The following KCNH8 variants were observed in gnomAD, a reference collection of about 807,000 sequenced individuals.
KCNH8 encodes voltage-gated delayed rectifier potassium channel KCNH8.
A neutral mutation model predicts 103.6 loss-of-function variants in KCNH8; 70 were observed. The observed-to-expected ratio is 0.68, with a 90% CI of 0.56 to 0.82. The LOEUF is 0.82. Among genes scored for constraint, KCNH8 ranks in the 40% least tolerant of loss-of-function variants. KCNH8 has a pLI of 0.00. For synonymous variants in KCNH8, 498 were observed against 489.4 expected (o/e 1.02, Z -0.23); for missense variants, 1,217 against 1,329.9 (o/e 0.92, Z 1.32).
chr3:19,235,157 C>T (rs761450649), intron 1 of KCNH8, among the ~76,000 whole-genome samples: 1 of 152,046 alleles, frequency 6.6e-6, no homozygotes, highest in African/African-American at 2.4e-5. Flanking sequence ...TTTTATTATA[C>T]CTTGCTTTGC....
chr3:19,533,851 A>C lies in KCNH8; in HGVS notation c.3076A>C (p.Ile1026Leu). The change falls in exon 16 of 16, where the codon ATT (isoleucine) becomes CTT (leucine). Residue 1026 changes from isoleucine (I) to leucine (L), a missense_variant. By Grantham distance (5) the Ile-to-Leu change is conservative (BLOSUM62 2). Coordinates refer to ENST00000328405, the MANE Select transcript of KCNH8 (RefSeq NM_144633.3). ...SDSTLTPLQS[I>L]SATLSSSVCS... ...TTCTACGTTGACGCCTCTGCAGTCC[A>C]TTTCAGCAACTCTCTCATCTTCTGT... 1.2e-6 allele frequency: 2 copies of C among 1,614,106 alleles called. No individual in the cohort carries two copies. Among genetic ancestry groups the C allele is most frequent in the Non-Finnish European group, 1.7e-6 (2 of 1,180,006 alleles).
intron 3 of KCNH8, among the ~76,000 whole-genome samples, chr3:19,286,794 A>G (rs921565749): frequency 6.6e-6 from 1 of 152,032 alleles, no homozygotes; most frequent in African/African-American, 2.4e-5. Context: ...TTGAAATGAA[A>G]CCATCCACTA....
intron 1 of KCNH8, among the ~76,000 whole-genome samples, chr3:19,169,321 C>CAAAA (rs1310554723): frequency 2.0e-5 from 3 of 147,594 alleles, no homozygotes; most frequent in African/African-American, 7.6e-5. Context: ...TGCAGTGGCG[C>CAAAA]GATCTTGGCT....
At chr3:19,385,535 A>G (rs933846032) in intron 5 of KCNH8, among the ~76,000 whole-genome samples, 2 of 152,116 alleles carry the variant, frequency 1.3e-5, no homozygotes, top group Non-Finnish European at 2.9e-5. Flanking sequence ...GCTGTTTCTC[A>G]CTGGGCCTAC....
chr3:19,324,011 C>T (rs1042933470), intron 3 of KCNH8, among the ~76,000 whole-genome samples: 1 of 152,140 alleles, frequency 6.6e-6, no homozygotes, highest in Non-Finnish European at 1.5e-5. Flanking sequence ...TTTTCGAGAG[C>T]ACATCAGCTG....
chr3:19,342,082 A>G (rs2065667830), intron 3 of KCNH8, among the ~76,000 whole-genome samples: 1 of 152,146 alleles, frequency 6.6e-6, no homozygotes, highest in Non-Finnish European at 1.5e-5. Context: ...GCTATTAGCC[A>G]TTTAAAAAAT....
chr3:19,273,106 A>G (rs1429783404), intron 2 of KCNH8, among the ~76,000 whole-genome samples: 2 of 152,170 alleles, frequency 1.3e-5, no homozygotes, highest in Non-Finnish European at 2.9e-5. Flanking sequence ...CCTCATAACA[A>G]TGTTGAGTTC....
intron 11 of KCNH8, among the ~76,000 whole-genome samples, chr3:19,495,394 A>G (rs1245053524): frequency 6.6e-6 from 1 of 152,212 alleles, no homozygotes; most frequent in Non-Finnish European, 1.5e-5. Flanking sequence ...GAAAGGGTCC[A>G]GTATCAATCT....
At chr3:19,451,498 A>G in intron 10 of KCNH8, 94 bp downstream of exon 10, 2 of 1,130,760 alleles carry the variant, frequency 1.8e-6, no homozygotes, top group Non-Finnish European at 2.6e-6. Context: ...GAGAGTAGGA[A>G]AAGAACAGAT....
intron 5 of KCNH8, among the ~76,000 whole-genome samples, chr3:19,378,763 A>G (rs1253462547): frequency 2.0e-5 from 3 of 152,222 alleles, no homozygotes; most frequent in Admixed American, 2.0e-4. Context: ...TATGGTGACA[A>G]GTTCTTTGGG....
chr3:19,243,122 C>A (rs975817358), intron 1 of KCNH8, among the ~76,000 whole-genome samples: 2 of 152,148 alleles, frequency 1.3e-5, no homozygotes, highest in South Asian at 2.1e-4. Flanking sequence ...GAGCGTCTGG[C>A]GTATCACAGC....
intron 7 of KCNH8, among the ~76,000 whole-genome samples, chr3:19,395,990 C>T (rs2066510926): frequency 6.6e-6 from 1 of 151,904 alleles, no homozygotes; most frequent in South Asian, 2.1e-4. Context: ...TTATGTCAAC[C>T]ACAGTAAATT....
At chr3:19,501,451 A>C (rs1445891065) in intron 11 of KCNH8, among the ~76,000 whole-genome samples, 2 of 152,178 alleles carry the variant, frequency 1.3e-5, no homozygotes, top group African/African-American at 2.4e-5. Context: ...CCTGATACCA[A>C]AGCCGGGCAG....
intron 5 of KCNH8, among the ~76,000 whole-genome samples, chr3:19,372,899 A>G (rs1029058879): frequency 1.3e-5 from 2 of 152,032 alleles, no homozygotes; most frequent in African/African-American, 2.4e-5. Context: ...GCTCATTTAT[A>G]TGCTGGATTA....
intron 1 of KCNH8, among the ~76,000 whole-genome samples, chr3:19,235,113 C>T (rs931324532): frequency 6.6e-6 from 1 of 152,138 alleles, no homozygotes; most frequent in African/African-American, 2.4e-5. Flanking sequence ...GAACTTAACT[C>T]TTGTTTGTAT....
intron 2 of KCNH8, among the ~76,000 whole-genome samples, chr3:19,255,567 T>G (rs1253514564): frequency 6.6e-6 from 1 of 152,064 alleles, no homozygotes; most frequent in Admixed American, 6.6e-5. Context: ...AATGCTTCGT[T>G]GATAGGTGCA....
chr3:19,446,467 C>G (rs1421352598), intron 8 of KCNH8, among the ~76,000 whole-genome samples: 1 of 152,010 alleles, frequency 6.6e-6, no homozygotes, highest in Non-Finnish European at 1.5e-5. Flanking sequence ...TCAGGCTGTT[C>G]TCAAGATGTC....
chr3:19,446,559 G>A (rs1275545504), intron 8 of KCNH8, among the ~76,000 whole-genome samples: 1 of 151,940 alleles, frequency 6.6e-6, no homozygotes, highest in Admixed American at 6.6e-5. Context: ...ACAAGCCAGT[G>A]TACTTATAAC....
intron 3 of KCNH8, among the ~76,000 whole-genome samples, chr3:19,284,552 T>G (rs112484657): frequency 2.2e-5 from 3 of 135,244 alleles, no homozygotes; most frequent in Non-Finnish European, 4.9e-5. Flanking sequence ...TGTGTGTGTG[T>G]GAGGGAGAGA....
Sources: allele counts gnomAD v4.1 joint callset (sites outside exome capture counted in the v4.1 genomes callset), GRCh38; gene constraint gnomAD v4.1.1; transcripts MANE v1.5; gene names NCBI Gene and HGNC (gene_info 2026-07-23, HGNC 2026-07-21).